KIAA2012: variants seen among roughly 807,000 people sequenced by gnomAD.
The protein encoded by KIAA2012 is uncharacterized protein KIAA2012.
In KIAA2012, 125 loss-of-function variants were observed where a neutral mutation model predicts 150.6. The ratio of observed to expected loss-of-function variants is 0.83; its 90% CI spans 0.72 to 0.96. KIAA2012 has a LOEUF of 0.96. KIAA2012 is among the 40% of genes least tolerant of loss of function. The pLI, the probability that KIAA2012 is intolerant of heterozygous loss-of-function variation, is 0.00. For missense variants in KIAA2012, 1,219 were observed against 1,354.9 expected (o/e 0.90, Z 1.57); for synonymous variants, 462 against 504.7 (o/e 0.92, Z 1.13).
At chr2:202,145,460 T>C (rs1173711331) in intron 13 of KIAA2012, among the ~76,000 whole-genome samples, 1 of 152,228 alleles carries the variant, frequency 6.6e-6, no homozygotes. Context: ...GGAAGGCTTT[T>C]ATTTGCTGAG....
chr2:202,136,894 C>T (rs1691077104), intron 12 of KIAA2012: 1 of 152,316 alleles, frequency 6.6e-6, no homozygotes, highest in Non-Finnish European at 1.5e-5. Flanking sequence ...CTCACTGTCA[C>T]CTAGGCTGGA....
intron 2 of KIAA2012, 67 bp from the exon 3 acceptor site, chr2:202,090,702 AC>A (rs1575004842): frequency 6.9e-6 from 10 of 1,457,726 alleles, no homozygotes; most frequent in Non-Finnish European, 9.1e-6. Context: ...GATTGTGCTA[AC>A]CAGCCTGTAT....
chr2:202,130,167 CA>C (rs1222483579), intron 12 of KIAA2012, among the ~76,000 whole-genome samples: 2 of 151,994 alleles, frequency 1.3e-5, no homozygotes, highest in Admixed American at 1.3e-4. Context: ...GGTTCTCTGC[CA>C]AAAAAATAGT....
chr2:202,104,648 C>T lies in KIAA2012; in HGVS notation c.1325-1113C>T, dbSNP rs1690134254. On this transcript the variant is annotated intron_variant, in intron 8 of 23. Transcript: ENST00000498697. This position sits in a 1 kb window ranked among gnomAD's most constrained non-coding sequence, Gnocchi z 4.3. Reference sequence around the variant, plus strand: ...TCTGGTACTGGCCCTCTGATAATTACAGCAGGCAGATAGTAGCCTGGGAAT... The same window carrying T: ...TCTGGTACTGGCCCTCTGATAATTATAGCAGGCAGATAGTAGCCTGGGAAT... 6.6e-6 allele frequency among the ~76,000 whole-genome samples: 1 copy of T among 152,334 alleles called. No homozygotes were observed. The highest frequency in any genetic ancestry group is 2.1e-4 in the South Asian group (1 of 4,820).
At chr2:202,095,855 G>A (rs935001602) in intron 4 of KIAA2012, among the ~76,000 whole-genome samples, 6 of 152,132 alleles carry the variant, frequency 3.9e-5, no homozygotes, top group African/African-American at 1.2e-4. Context: ...AGGTTGAGGC[G>A]GGTGGATCAC....
chr2:202,078,223 A>C (rs535118037), intron 2 of KIAA2012, among the ~76,000 whole-genome samples: 2 of 152,284 alleles, frequency 1.3e-5, no homozygotes, highest in African/African-American at 4.8e-5. Context: ...AAATCATGTA[A>C]TGACCTGGGT....
At chr2:202,111,563 G>A (rs1690357081) in intron 10 of KIAA2012, among the ~76,000 whole-genome samples, 1 of 150,114 alleles carries the variant, frequency 6.7e-6, no homozygotes, top group Non-Finnish European at 1.5e-5. Context: ...CCAGGACTGG[G>A]AAAAGAGAGC....
Position 202,190,158 on chromosome 2 carries a change from A to G in KIAA2012, c.2492-16A>G. ...TTAACTCAGCTATATCTCTATCCCCAATTGTTCTCCCCCAGGAAAGTCAAA... is the reference window on the plus strand; with the variant it reads ...TTAACTCAGCTATATCTCTATCCCCGATTGTTCTCCCCCAGGAAAGTCAAA... On this transcript the variant is annotated splice_polypyrimidine_tract_variant and intron_variant, in intron 18 of 23. Transcript: ENST00000498697. 6.7e-7 allele frequency: 1 copy of G among 1,503,292 alleles called. No individual in the cohort carries two copies. Among genetic ancestry groups the G allele is most frequent in the Non-Finnish European group, 8.8e-7 (1 of 1,131,392 alleles). 93.1% of individuals were successfully genotyped at this position (1,503,292 alleles called of 1,614,324 possible). A position where few individuals can be genotyped will look rare whatever the true frequency, so the allele number is the denominator to read the frequency against.
At chr2:202,082,849 ATTTTT>A (rs34900065) in intron 2 of KIAA2012, among the ~76,000 whole-genome samples, 3 of 142,248 alleles carry the variant, frequency 2.1e-5, no homozygotes, top group Admixed American at 6.9e-5. Context: ...GTCCAATTTC[ATTTTT>A]TTTTTTTTTT....
chr2:202,145,923 G>A lies in KIAA2012; in HGVS notation c.1908+7415G>A, dbSNP rs548125727. Among the ~76,000 whole-genome samples, 46 of 152,078 alleles carry A rather than the reference G, an allele frequency of 3.0e-4. No individual in the cohort carries two copies. In the South Asian group the frequency reaches 6.9e-3, roughly 23 times the overall value. Reference sequence around the variant, plus strand: ...TGGTCTTGAACTCCTGACCTCAGGTGATCCACCCACCTTGGCCTCCCAAAG... The same window carrying A: ...TGGTCTTGAACTCCTGACCTCAGGTAATCCACCCACCTTGGCCTCCCAAAG... On this transcript the variant is annotated intron_variant, in intron 13 of 23. Transcript: ENST00000498697.
At chr2:202,081,545 T>A (rs1375005180) in intron 2 of KIAA2012, among the ~76,000 whole-genome samples, 1 of 44,866 alleles carries the variant, frequency 2.2e-5, no homozygotes, top group Non-Finnish European at 7.3e-5. Flanking sequence ...TTTAAACACT[T>A]TTTTTTTTTT....
intron 7 of KIAA2012, 29 bp from the exon 8 acceptor site, chr2:202,102,917 T>G: frequency 6.5e-7 from 1 of 1,545,788 alleles, no homozygotes; most frequent in Non-Finnish European, 8.7e-7. Flanking sequence ...ATACCTGCCA[T>G]GATCGTTTTG....
At chr2:202,076,845 C>T (rs930932345) in intron 2 of KIAA2012, 3 of 401,638 alleles carry the variant, frequency 7.5e-6, no homozygotes, top group African/African-American at 4.1e-5. Flanking sequence ...TCCCTCTGTT[C>T]CCTTCCCCTG....
chr2:202,077,953 G>A (rs887893717), intron 2 of KIAA2012, among the ~76,000 whole-genome samples: 1 of 152,232 alleles, frequency 6.6e-6, no homozygotes, highest in Non-Finnish European at 1.5e-5. Flanking sequence ...TGCCAGGACA[G>A]CTATAGGGAA....
chr2:202,106,759 G>T (rs554619235), intron 9 of KIAA2012, among the ~76,000 whole-genome samples: 5 of 152,062 alleles, frequency 3.3e-5, no homozygotes, highest in Admixed American at 3.3e-4. Flanking sequence ...TTTCCATGAC[G>T]TGGACATTTG....
At chr2:202,201,795 T>C (rs1692532342) in intron 22 of KIAA2012, 3 of 1,298,420 alleles carry the variant, frequency 2.3e-6, no homozygotes, top group African/African-American at 2.9e-5. Flanking sequence ...GGGTAGAGCC[T>C]GAGAAAGATG....
At chr2:202,200,147 G>A (rs1692489127) in intron 22 of KIAA2012, among the ~76,000 whole-genome samples, 2 of 151,758 alleles carry the variant, frequency 1.3e-5, no homozygotes, top group Admixed American at 1.3e-4. Flanking sequence ...TGGCCAGGAT[G>A]GTCTCAATCT....
chr2:202,082,447 C>A (rs958508462), intron 2 of KIAA2012, among the ~76,000 whole-genome samples: 1 of 152,038 alleles, frequency 6.6e-6, no homozygotes, highest in African/African-American at 2.4e-5. Context: ...GGGTTGCCTG[C>A]CTTTTCACTC....
intron 12 of KIAA2012, among the ~76,000 whole-genome samples, chr2:202,125,640 C>T (rs1299527943): frequency 6.6e-6 from 1 of 152,144 alleles, no homozygotes; most frequent in Non-Finnish European, 1.5e-5. Context: ...TGGAGTCGTG[C>T]ATCCCTCAGC....
Sources: allele counts gnomAD v4.1 joint callset (sites outside exome capture counted in the v4.1 genomes callset), GRCh38; gene constraint gnomAD v4.1.1; non-coding constraint Gnocchi (gnomAD v3.1); transcripts MANE v1.5; gene names NCBI Gene and HGNC (gene_info 2026-07-23, HGNC 2026-07-21).